NRG3: variants seen among roughly 807,000 people sequenced by gnomAD.
The protein encoded by NRG3 is neuregulin 3, also known as pro-neuregulin-3, membrane-bound isoform.
A neutral mutation model predicts 66.9 loss-of-function variants in NRG3; 31 were observed. That is an observed-to-expected ratio of 0.46 (90% CI 0.35 to 0.63). The LOEUF (loss-of-function observed/expected upper bound fraction) is 0.63, where lower values mean the gene tolerates loss of function less well. NRG3 is among the 20% of genes least tolerant of loss of function. The pLI is 0.00. For missense variants in NRG3, 910 were observed against 878.9 expected (o/e 1.04, Z -0.45); for synonymous variants, 393 against 359.4 (o/e 1.09, Z -1.06).
intron 2 of NRG3, among the ~76,000 whole-genome samples, chr10:82,717,790 T>C (rs1474360703): frequency 6.6e-6 from 1 of 152,158 alleles, no homozygotes; most frequent in Non-Finnish European, 1.5e-5. Flanking sequence ...TTCTTGGGCT[T>C]CTACTGTAAC....
Position 82,132,459 on chromosome 10 carries a change from GATATATATGAT to G in NRG3, c.824-226260_824-226250del, listed in dbSNP as rs1417488953. On this transcript the variant is annotated intron_variant, in intron 1 of 8. Coordinates refer to ENST00000372141, the MANE Select transcript of NRG3 (RefSeq NM_001010848.4). ...TTGCTAATATCTTTTATATATATATGATATATATGATATATATATGATATATATATATGATA... is the reference window on the plus strand; with the variant it reads ...TTGCTAATATCTTTTATATATATATGATATATATGATATATATATATGATA... 6.3e-5 allele frequency among the ~76,000 whole-genome samples: 7 copies of G among 110,656 alleles called. 1 individual carries two copies. Among genetic ancestry groups the G allele is most frequent in the African/African-American group, 2.4e-4 (6 of 25,140 alleles). 72.6% of individuals were successfully genotyped at this position (110,656 alleles called of 152,430 possible).
intron 2 of NRG3, among the ~76,000 whole-genome samples, chr10:82,665,410 C>G (rs61212528): frequency 0.025 from 3,739 of 152,272 alleles, 145 homozygotes; most frequent in African/African-American, 0.085. Context: ...TACCCATGAC[C>G]TTGACGGTCT....
intron 4 of NRG3, among the ~76,000 whole-genome samples, chr10:82,905,026 G>T (rs1247459366): frequency 6.6e-6 from 1 of 152,116 alleles, no homozygotes; most frequent in Non-Finnish European, 1.5e-5. Flanking sequence ...TACAGAAAAT[G>T]AATTTAATTA....
intron 1 of NRG3, among the ~76,000 whole-genome samples, chr10:81,971,969 A>G (rs1273047610): frequency 6.6e-6 from 1 of 152,152 alleles, no homozygotes; most frequent in Admixed American, 6.6e-5. Context: ...GGTTTTGGAA[A>G]TAACTACCCA....
At chr10:82,123,077 C>A (rs2068199422) in intron 1 of NRG3, among the ~76,000 whole-genome samples, 2 of 151,468 alleles carry the variant, frequency 1.3e-5, no homozygotes, top group South Asian at 4.1e-4. Context: ...ATCTTTAAAT[C>A]TTGGCACCAC....
chr10:82,109,162 T>G (rs2132217803), intron 1 of NRG3, among the ~76,000 whole-genome samples: 1 of 152,280 alleles, frequency 6.6e-6, no homozygotes, highest in South Asian at 2.1e-4. Flanking sequence ...GGTCAACTTA[T>G]TTCCTGATGT....
chr10:82,394,771 T>C (rs566147007), intron 2 of NRG3, among the ~76,000 whole-genome samples: 1 of 152,338 alleles, frequency 6.6e-6, no homozygotes, highest in Admixed American at 6.5e-5. Flanking sequence ...TTATTTTGAC[T>C]CTCCACAGTA....
chr10:82,545,507 T>A (rs1273304419), intron 2 of NRG3, among the ~76,000 whole-genome samples: 2 of 151,252 alleles, frequency 1.3e-5, no homozygotes, highest in Non-Finnish European at 2.9e-5. Flanking sequence ...GCCTCCCAAG[T>A]AGCTGGTACT....
At chr10:82,138,521 G>C (rs1220525856) in intron 1 of NRG3, among the ~76,000 whole-genome samples, 1 of 152,090 alleles carries the variant, frequency 6.6e-6, no homozygotes, top group African/African-American at 2.4e-5. Context: ...GTATTAGTCA[G>C]GTTCTCTAGA....
intron 4 of NRG3, among the ~76,000 whole-genome samples, chr10:82,876,633 T>A (rs1362126086): frequency 2.0e-5 from 3 of 152,208 alleles, no homozygotes; most frequent in Non-Finnish European, 4.4e-5. Flanking sequence ...ATATCTCAAC[T>A]GCACGTGAGT....
intron 1 of NRG3, among the ~76,000 whole-genome samples, chr10:81,994,997 C>A (rs2133607631): frequency 6.6e-6 from 1 of 151,980 alleles, no homozygotes; most frequent in South Asian, 2.1e-4. Flanking sequence ...TTTCAGATTT[C>A]TTTCTTATGT....
At chr10:82,383,761 G>A (rs922971201) in intron 2 of NRG3, among the ~76,000 whole-genome samples, 11 of 152,026 alleles carry the variant, frequency 7.2e-5, no homozygotes, top group Admixed American at 2.0e-4. Context: ...CATCTCTACA[G>A]CTAAATTTAC....
intron 1 of NRG3, among the ~76,000 whole-genome samples, chr10:82,163,891 A>T (rs933595073): frequency 2.0e-5 from 3 of 151,268 alleles, no homozygotes; most frequent in African/African-American, 7.3e-5. Context: ...CCTATATGAT[A>T]GGGTCTATAG....
chr10:82,897,123 G>A (rs1339315828), intron 4 of NRG3, among the ~76,000 whole-genome samples: 1 of 152,174 alleles, frequency 6.6e-6, no homozygotes, highest in Non-Finnish European at 1.5e-5. Flanking sequence ...GCAAAATAGA[G>A]ACTTAAAATG....
chr10:82,712,015 C>G (rs1310757954), intron 2 of NRG3, among the ~76,000 whole-genome samples: 1 of 152,166 alleles, frequency 6.6e-6, no homozygotes, highest in Non-Finnish European at 1.5e-5. Flanking sequence ...CCATATTTCT[C>G]CATTTATAGA....
chr10:82,405,928 G>T lies in NRG3; in HGVS notation c.953+47060G>T, dbSNP rs190815931. On this transcript the variant is annotated intron_variant, in intron 2 of 8. Transcript: ENST00000372141. ...TTGAATCATTTTTTTTTCTAATTTT[G>T]TCCAACCATTAGCTCTGGAATATGG... Among the ~76,000 whole-genome samples, 371 of 151,424 alleles carry T rather than the reference G, an allele frequency of 2.5e-3. 2 individuals are homozygous for T. Among genetic ancestry groups the T allele is most frequent in the African/African-American group, 8.7e-3 (360 of 41,262 alleles).
chr10:82,006,494 TTTC>T (rs1183516958), intron 1 of NRG3, among the ~76,000 whole-genome samples: 3 of 152,152 alleles, frequency 2.0e-5, no homozygotes, highest in Admixed American at 2.0e-4. Flanking sequence ...TTTATGCTTT[TTTC>T]TTTTCTGTTT....
chr10:82,585,068 G>A lies in NRG3; in HGVS notation c.954-153509G>A, dbSNP rs117006784. On this transcript the variant is annotated intron_variant, in intron 2 of 8. Transcript: ENST00000372141. The stretch of plus-strand genomic sequence containing the variant: ...GGGTGAGTATAATTAATAAAAATGC[G>A]TCGAAGACTGCAAATAAATGAGTTT... Among the ~76,000 whole-genome samples the A allele has an allele frequency of 4.4e-4, 67 of 152,132 alleles. 1 individual carries two copies. The highest frequency in any genetic ancestry group is 7.2e-4 in the Admixed American group (11 of 15,266).
chr10:82,231,770 A>G (rs1217548241), intron 1 of NRG3, among the ~76,000 whole-genome samples: 4 of 152,186 alleles, frequency 2.6e-5, no homozygotes, highest in Admixed American at 2.0e-4. Flanking sequence ...ATAGAAGACC[A>G]CTAAAACATG....
Sources: gnomAD v4.1 joint callset for allele counts (sites outside exome capture counted in the v4.1 genomes callset) on GRCh38, gnomAD v4.1.1 for gene constraint, MANE v1.5 for transcripts, NCBI Gene and HGNC (gene_info 2026-07-23, HGNC 2026-07-21) for gene names.